Variants in FBXO36 observed in about 807,000 individuals in gnomAD.
FBXO36 encodes the protein F-box only protein 36.
FBXO36 carries 18 observed loss-of-function variants against 17.0 expected under a neutral mutation model. The ratio of observed to expected loss-of-function variants is 1.06; its 90% CI spans 0.73 to 1.57. FBXO36 has a LOEUF of 1.57. Among genes scored for constraint, FBXO36 ranks in the 40% most tolerant of loss-of-function variants. The probability of loss-of-function intolerance (pLI) is 0.00; values close to 1 mark genes in which losing one functional copy is unlikely to be tolerated. For missense variants in FBXO36, 229 were observed against 221.9 expected (o/e 1.03, Z -0.20); for synonymous variants, 83 against 85.3 (o/e 0.97, Z 0.15).
chr2:229,934,561 C>T (rs1232423341), intron 1 of FBXO36, among the ~76,000 whole-genome samples: 1 of 152,198 alleles, frequency 6.6e-6, no homozygotes, highest in Non-Finnish European at 1.5e-5. Flanking sequence ...AGTCAGCAGT[C>T]TGCCTGGTAC....
intron 1 of FBXO36, among the ~76,000 whole-genome samples, chr2:229,926,188 G>T (rs2076911298): frequency 6.7e-6 from 1 of 150,238 alleles, no homozygotes; most frequent in African/African-American, 2.5e-5. Flanking sequence ...TCAGCACTTT[G>T]GGAGGCCGAC....
intron 3 of FBXO36, among the ~76,000 whole-genome samples, chr2:230,007,720 C>G (rs546792355): frequency 2.9e-4 from 44 of 152,234 alleles, no homozygotes; most frequent in African/African-American, 1.1e-3. Flanking sequence ...CCTCAGCCTC[C>G]CAAGTAGCTG....
intron 2 of FBXO36, among the ~76,000 whole-genome samples, chr2:229,992,917 A>G (rs1202143895): frequency 6.6e-6 from 1 of 152,098 alleles, no homozygotes; most frequent in Non-Finnish European, 1.5e-5. Flanking sequence ...GGAGGTTTCA[A>G]TTTCTTGTCT....
chr2:229,944,738 G>A (rs1183999628), intron 1 of FBXO36, among the ~76,000 whole-genome samples: 2 of 151,738 alleles, frequency 1.3e-5, no homozygotes, highest in Middle Eastern at 3.4e-3. Flanking sequence ...GACTACAGGC[G>A]CCCACCACCA....
At chr2:229,952,568 C>G (rs1039323063) in intron 1 of FBXO36, among the ~76,000 whole-genome samples, 1 of 152,142 alleles carries the variant, frequency 6.6e-6, no homozygotes, top group Non-Finnish European at 1.5e-5. Flanking sequence ...ACCTCCGCCC[C>G]GACCTTTCTC....
intron 1 of FBXO36, among the ~76,000 whole-genome samples, chr2:229,974,010 A>G (rs192832434): frequency 6.6e-5 from 10 of 152,318 alleles, no homozygotes; most frequent in Non-Finnish European, 7.3e-5. Context: ...GGGTCGTACC[A>G]CTGCACTCCA....
rs553591634 is a variant in FBXO36, at chr2:229,945,825, C to A, written c.96+23216C>A. On this transcript the variant is annotated intron_variant, in intron 1 of 3. Coordinates refer to ENST00000283946, the MANE Select transcript of FBXO36 (RefSeq NM_174899.5). ...ATCATCTGAGTTCAGGAGTTTGAGACCAGCCTGGCCAACATGGGGAAACCC... is the reference window on the plus strand; with the variant it reads ...ATCATCTGAGTTCAGGAGTTTGAGAACAGCCTGGCCAACATGGGGAAACCC... Among the ~76,000 whole-genome samples the A allele has an allele frequency of 3.3e-5, 5 of 151,716 alleles. No individual in the cohort carries two copies. In the East Asian group the frequency reaches 9.8e-4, roughly 30 times the overall value.
At chr2:230,001,285 T>G (rs2077357223) in intron 3 of FBXO36, among the ~76,000 whole-genome samples, 1 of 151,940 alleles carries the variant, frequency 6.6e-6, no homozygotes. Context: ...TTTCTTTTTC[T>G]TTTTTCTTTT....
intron 1 of FBXO36, among the ~76,000 whole-genome samples, chr2:229,935,124 G>A (rs1032894836): frequency 2.6e-5 from 4 of 152,140 alleles, no homozygotes; most frequent in Non-Finnish European, 2.9e-5. Flanking sequence ...TTTGATGCAC[G>A]CCACAGAGGA....
At chr2:229,999,967 C>T (rs974781348) in intron 3 of FBXO36, among the ~76,000 whole-genome samples, 1 of 151,864 alleles carries the variant, frequency 6.6e-6, no homozygotes, top group African/African-American at 2.4e-5. Context: ...ATTTTCCTAC[C>T]TAAAAATGGA....
chr2:229,975,186 T>C lies in FBXO36; in HGVS notation c.97-1055T>C, dbSNP rs540446124. Reference sequence around the variant, plus strand: ...ATTCTCAGAGAAGACAAATGTGCCATCAGCAGATCCATTACCAAGAAGTGT... The same window carrying C: ...ATTCTCAGAGAAGACAAATGTGCCACCAGCAGATCCATTACCAAGAAGTGT... On this transcript the variant is annotated intron_variant, in intron 1 of 3. Coordinates refer to ENST00000283946, the MANE Select transcript of FBXO36 (RefSeq NM_174899.5). Among the ~76,000 whole-genome samples, 55 of 152,250 alleles carry C rather than the reference T, an allele frequency of 3.6e-4. 1 individual carries two copies. In the South Asian group the frequency reaches 7.9e-3, roughly 22 times the overall value.
chr2:229,935,680 T>TA (rs1203128632), intron 1 of FBXO36, among the ~76,000 whole-genome samples: 2 of 152,190 alleles, frequency 1.3e-5, no homozygotes, highest in Admixed American at 1.3e-4. Context: ...TTCCTGTCCT[T>TA]ACATTAGTGG....
intron 1 of FBXO36, among the ~76,000 whole-genome samples, chr2:229,938,093 G>C (rs1232528248): frequency 1.3e-5 from 2 of 151,842 alleles, no homozygotes; most frequent in African/African-American, 4.8e-5. Flanking sequence ...TCAGCCTCCC[G>C]CATAGCTGAG....
intron 3 of FBXO36, among the ~76,000 whole-genome samples, chr2:229,998,689 G>T (rs1214961675): frequency 6.6e-6 from 1 of 151,930 alleles, no homozygotes; most frequent in Non-Finnish European, 1.5e-5. Context: ...TACTCTGGAG[G>T]CTGAATAGGA....
At chr2:229,923,540 A>G (rs2076855299) in intron 1 of FBXO36, among the ~76,000 whole-genome samples, 1 of 152,140 alleles carries the variant, frequency 6.6e-6, no homozygotes, top group Non-Finnish European at 1.5e-5. Context: ...CAGTTTTTCC[A>G]GGAGCCCTTA....
At chr2:229,927,021 A>G (rs2106151261) in intron 1 of FBXO36, among the ~76,000 whole-genome samples, 1 of 151,938 alleles carries the variant, frequency 6.6e-6, no homozygotes, top group East Asian at 2.0e-4. Context: ...CACCATGCCC[A>G]GCTAATTTTT....
At chr2:230,008,045 C>T (rs2077396026) in intron 3 of FBXO36, among the ~76,000 whole-genome samples, 1 of 152,092 alleles carries the variant, frequency 6.6e-6, no homozygotes, top group Admixed American at 6.6e-5. Flanking sequence ...AAGAATTTGA[C>T]CAATCGATAT....
rs986509447 is a variant in FBXO36, at chr2:229,954,196, G to T, written c.97-22045G>T. On this transcript the variant is annotated intron_variant, in intron 1 of 3. Coordinates refer to ENST00000283946, the MANE Select transcript of FBXO36 (RefSeq NM_174899.5). The stretch of plus-strand genomic sequence containing the variant: ...ATTGATAACTTTGTTGACTCAATAG[G>T]TAAATGAATGATGCAACTGTCATTA... Among the ~76,000 whole-genome samples the T allele has an allele frequency of 7.1e-4, 102 of 142,946 alleles. 1 individual carries two copies. The highest frequency in any genetic ancestry group is 2.5e-3 in the African/African-American group (100 of 39,318). The allele number at this position is 142,946 out of a possible 152,430, so 93.8% of individuals were successfully genotyped here. A position where few individuals can be genotyped will look rare whatever the true frequency, so the allele number is the denominator to read the frequency against.
chr2:229,964,774 C>G (rs1327613999), intron 1 of FBXO36, among the ~76,000 whole-genome samples: 1 of 152,230 alleles, frequency 6.6e-6, no homozygotes, highest in Non-Finnish European at 1.5e-5. Flanking sequence ...CCGCCTCGGC[C>G]TCCCAAAGTA....
Sources: allele counts gnomAD v4.1 joint callset (sites outside exome capture counted in the v4.1 genomes callset), GRCh38; gene constraint gnomAD v4.1.1; transcripts MANE v1.5; gene names NCBI Gene and HGNC (gene_info 2026-07-23, HGNC 2026-07-21).